The following KLF11 variants were observed in gnomAD, a reference collection of about 807,000 sequenced individuals.
KLF11 encodes the protein KLF transcription factor 11.
Under a neutral mutation model 29.9 loss-of-function variants are expected in KLF11, and 26 were observed. The observed-to-expected ratio is 0.87, with a 90% CI of 0.64 to 1.21. KLF11 has a LOEUF of 1.21. KLF11 is among the 50% of genes most tolerant of loss of function. The pLI, the probability that KLF11 is intolerant of heterozygous loss-of-function variation, is 0.00. For synonymous variants in KLF11, 318 were observed against 257.4 expected (o/e 1.24, Z -2.25); for missense variants, 778 against 665.7 (o/e 1.17, Z -1.86).
rs1273204338 is a variant in KLF11 at position 10,054,237 on chromosome 2, T to G, written c.*1730T>G. The G allele has an allele frequency of 6.6e-6, 1 of 152,220 alleles. No individual in the cohort carries two copies. Among genetic ancestry groups the G allele is most frequent in the Non-Finnish European group, 1.5e-5 (1 of 68,040 alleles). 9.4% of individuals were successfully genotyped at this position (152,220 alleles called of 1,614,324 possible). A position where few individuals can be genotyped will look rare whatever the true frequency, so the allele number is the denominator to read the frequency against. The stretch of plus-strand genomic sequence containing the variant: ...ACCACCCAGTCCTTTCTCCTGCTCA[T>G]CAAAATCAGCATACACATTTTTGAC... On this transcript the variant is annotated 3_prime_UTR_variant, in exon 4 of 4. Transcript: ENST00000305883.
Position 10,048,051 on chromosome 2 carries a change from T to C in KLF11, c.714T>C (p.Ser238=), listed in dbSNP as rs1187568064. The C allele has an allele frequency of 6.2e-7, 1 of 1,614,092 alleles. No individual in the cohort carries two copies. The highest frequency in any genetic ancestry group is 1.7e-5 in the Admixed American group (1 of 60,012). The change falls in exon 3 of 4, where the codon TCT becomes TCC. Residue 238 remains serine (S), a synonymous_variant. Coordinates refer to ENST00000305883, the MANE Select transcript of KLF11 (RefSeq NM_003597.5). The stretch of plus-strand genomic sequence containing the variant: ...CCTGTCAGCCCTGCTTGCACAAGTC[T>C]GGTGGCCTGCTGCTCACTGACAAAG... ...LVSCQPCLHK[S]GGLLLTDKGQ...
Position 10,052,610 on chromosome 2 carries a change from TGGC to T in KLF11, c.*107_*109del. 1 of 1,299,564 alleles carries T rather than the reference TGGC, an allele frequency of 7.7e-7. No individual in the cohort carries two copies. Among genetic ancestry groups the T allele is most frequent in the Non-Finnish European group, 1.1e-6 (1 of 922,622 alleles). 80.5% of individuals were successfully genotyped at this position (1,299,564 alleles called of 1,614,324 possible). On this transcript the variant is annotated 3_prime_UTR_variant, in exon 4 of 4. Coordinates refer to ENST00000305883, the MANE Select transcript of KLF11 (RefSeq NM_003597.5). ...CTGCCTCACCCAAAAAAAACGGTCT[TGGC>T]GGCCTAGGGGAAGATCGGGGAGCTG...
chr2:10,051,672 C>T (rs1005373172), intron 3 of KLF11, among the ~76,000 whole-genome samples: 5 of 152,026 alleles, frequency 3.3e-5, no homozygotes, highest in Non-Finnish European at 5.9e-5. Context: ...TGCCCGCCAC[C>T]ACACCCGGCT....
rs199941261 is a variant in KLF11, at chr2:10,047,715, A to G, written c.378A>G (p.Gln126=). ...EPSTRTPVSP[Q]VTDSKACTAT... ...CGACAAGGACACCTGTTTCTCCCCAAGTAACAGATTCCAAAGCATGTACAG... is the reference window on the plus strand; with the variant it reads ...CGACAAGGACACCTGTTTCTCCCCAGGTAACAGATTCCAAAGCATGTACAG... The change falls in exon 3 of 4, where the codon CAA becomes CAG. Residue 126 remains glutamine (Q), a synonymous_variant. Coordinates refer to ENST00000305883, the MANE Select transcript of KLF11 (RefSeq NM_003597.5). The G allele has an allele frequency of 8.7e-6, 14 of 1,613,652 alleles. No individual in the cohort carries two copies. The highest frequency in any genetic ancestry group is 2.7e-5 in the African/African-American group (2 of 75,026).
Position 10,048,532 on chromosome 2 carries a change from C to A in KLF11, c.1195C>A (p.Pro399Thr), listed in dbSNP as rs1325302868. The change falls in exon 3 of 4, where the codon CCA becomes ACA. Residue 399 changes from proline to threonine, a missense_variant. By Grantham distance (38) the Pro-to-Thr change is conservative. Transcript: ENST00000305883. ...SRRRNYVCSF[P>T]GCRKTYFKSS... The stretch of plus-strand genomic sequence containing the variant: ...AAGGAGGAACTATGTATGCAGCTTC[C>A]CAGGTTGCCGGAAGACCTACTTCAA... 1.2e-6 allele frequency: 2 copies of A among 1,611,982 alleles called. No individual in the cohort carries two copies. Among genetic ancestry groups the A allele is most frequent in the Admixed American group, 1.7e-5 (1 of 60,022 alleles).
rs766165757 is a variant in KLF11, at chr2:10,046,330, G to A, written c.223G>A (p.Val75Ile). 2 of 1,614,224 alleles carry A rather than the reference G, an allele frequency of 1.2e-6. No individual in the cohort carries two copies. The highest frequency in any genetic ancestry group is 1.7e-6 in the Non-Finnish European group (2 of 1,180,040). Residue 75 changes from valine to isoleucine, a missense_variant, in exon 2 of 4, where the codon GTC (valine) becomes ATC (isoleucine). Physicochemically the swap from Val to Ile is conservative, Grantham distance 29. Coordinates refer to ENST00000305883, the MANE Select transcript of KLF11 (RefSeq NM_003597.5). ...DLLRIRPLTP[V>I]SDSGDVTTTV... ...GTTGCGGATAAGACCCCTCACGCCT[G>A]TCTCTGACTCTGGGGATGTCACCAC...
rs1249758750 is a variant in KLF11, at chr2:10,048,124, A to G, written c.787A>G (p.Asn263Asp). The G allele has an allele frequency of 2.5e-6, 4 of 1,614,144 alleles. No homozygotes were observed. In the Admixed American group the frequency reaches 6.7e-5, roughly 27 times the overall value. ...TGCAGTTCAGACTTGCTCACCAAAG[A>G]ATTATGAAAATGACCTGCCCAGGAA... Reference protein sequence around the residue: ...PGAVQTCSPKNYENDLPRKTT... With the variant: ...PGAVQTCSPKDYENDLPRKTT... Residue 263 changes from asparagine (N) to aspartate (D), a missense_variant, in exon 3 of 4, where the codon AAT becomes GAT. By Grantham distance (23) the Asn-to-Asp change is conservative (BLOSUM62 1). Coordinates refer to ENST00000305883, the MANE Select transcript of KLF11 (RefSeq NM_003597.5).
At position 10,048,333 on chromosome 2, in the gene KLF11, TGCTGTGCCTCAGGGA is replaced by T; in HGVS notation, c.1003_1017del (p.Pro335_Val339del). The T allele has an allele frequency of 6.2e-7, 1 of 1,603,888 alleles. No individual in the cohort carries two copies. The highest frequency in any genetic ancestry group is 8.5e-7 in the Non-Finnish European group (1 of 1,173,378). On this transcript the variant is annotated inframe_deletion, in exon 3 of 4. Transcript: ENST00000305883. ...CGCCTCAACCTGTGTTCGTGGGACC[TGCTGTGCCTCAGGGA>T]GCTGTGATGTTGGTCCTGCCCCAGG...
At position 10,044,234 on chromosome 2, in the gene KLF11, G is replaced by GA. The variant is rs201103456; in HGVS notation, c.42+476_42+477insA. ...GTAGTGCCGCTCGGGCCTGGGGGCG[G>GA]GCAAGGTCTAGGGGCCGGGGCAACG... On this transcript the variant is annotated intron_variant, in intron 1 of 3. Coordinates refer to ENST00000305883, the MANE Select transcript of KLF11 (RefSeq NM_003597.5). 7,209 of 975,794 alleles carry GA rather than the reference G, an allele frequency of 7.4e-3. 374 individuals carry two copies. In the African/African-American group the frequency reaches 0.11, roughly 15 times the overall value. The allele number at this position is 975,794 out of a possible 1,614,324, so 60.4% of individuals were successfully genotyped here.
At chr2:10,044,835 C>T (rs1039531406) in intron 1 of KLF11, among the ~76,000 whole-genome samples, 4 of 152,038 alleles carry the variant, frequency 2.6e-5, no homozygotes, top group Non-Finnish European at 5.9e-5. Flanking sequence ...CCTCTTCCCT[C>T]CTCCCCTCCA....
chr2:10,043,939 C>T, intron 1 of KLF11, 181 bp downstream of exon 1: 5 of 1,000,790 alleles, frequency 5.0e-6, no homozygotes, highest in Non-Finnish European at 6.0e-6. Context: ...CCGCGACGGG[C>T]GCGCCCGGGT....
At chr2:10,052,116 C>T (rs1344135567) in intron 3 of KLF11, 111 bp from the exon 4 acceptor site, 2 of 1,125,222 alleles carry the variant, frequency 1.8e-6, no homozygotes, top group East Asian at 2.4e-5. Flanking sequence ...TAATAAGATA[C>T]CACTTTCTTC....
intron 3 of KLF11, among the ~76,000 whole-genome samples, chr2:10,048,897 G>A (rs1661318850): frequency 7.2e-6 from 1 of 138,712 alleles, no homozygotes; most frequent in South Asian, 2.4e-4. Context: ...CATTGCAGTA[G>A]ACGTTTCATC....
chr2:10,046,013 G>T, intron 1 of KLF11, 137 bp from the exon 2 acceptor site: 1 of 973,594 alleles, frequency 1.0e-6, no homozygotes, highest in Non-Finnish European at 1.6e-6. Flanking sequence ...ACTACACCTC[G>T]GTGTTTGTTG....
intron 1 of KLF11, 47 bp from the exon 2 acceptor site, chr2:10,046,103 C>T (rs757091205): frequency 6.2e-7 from 1 of 1,612,050 alleles, no homozygotes; most frequent in Non-Finnish European, 8.5e-7. Flanking sequence ...TGGGTGGCCT[C>T]TGTATTTCCC....
At chr2:10,047,115 G>T (rs1291124310) in intron 2 of KLF11, among the ~76,000 whole-genome samples, 1 of 152,122 alleles carries the variant, frequency 6.6e-6, no homozygotes, top group Non-Finnish European at 1.5e-5. Context: ...TCGTTGGGTG[G>T]CACCTCTGCC....
intron 3 of KLF11, among the ~76,000 whole-genome samples, chr2:10,049,468 T>C (rs928941361): frequency 3.9e-5 from 6 of 152,188 alleles, no homozygotes; most frequent in Non-Finnish European, 1.5e-5. Flanking sequence ...GTTCAGACAT[T>C]ATAAGAGGAA....
rs1661305516 is a variant in KLF11, at chr2:10,048,499, T to TC, written c.1162_1163insC (p.Phe388SerfsTer25). 6.2e-7 allele frequency: 1 copy of TC among 1,613,630 alleles called. No individual in the cohort carries two copies. Reference sequence around the variant, plus strand: ...CCAAAACTGTGTCCCTCAGGTAGACTTTTCCCGAAGGAGGAACTATGTATG... The same window carrying TC: ...CCAAAACTGTGTCCCTCAGGTAGACTCTTTCCCGAAGGAGGAACTATGTATG... On this transcript the variant is annotated frameshift_variant, in exon 3 of 4. Coordinates refer to ENST00000305883, the MANE Select transcript of KLF11 (RefSeq NM_003597.5). LOFTEE classifies it high-confidence loss of function.
At position 10,048,491 on chromosome 2, in the gene KLF11, A is replaced by G. The variant is rs1257337629; in HGVS notation, c.1154A>G (p.Gln385Arg). 1 of 1,613,964 alleles carries G rather than the reference A, an allele frequency of 6.2e-7. No individual in the cohort carries two copies. Among genetic ancestry groups the G allele is most frequent in the South Asian group, 1.1e-5 (1 of 91,088 alleles). ...FITSSQNCVPQVDFSRRRNYV... is the reference protein window; with the variant it reads ...FITSSQNCVPRVDFSRRRNYV... ...ACCTCTAGCCAAAACTGTGTCCCTC[A>G]GGTAGACTTTTCCCGAAGGAGGAAC... The change falls in exon 3 of 4, where the codon CAG (glutamine) becomes CGG (arginine). Residue 385 changes from glutamine (Q) to arginine (R), a missense_variant. Gln to Arg is a conservative substitution (Grantham distance 43). Transcript: ENST00000305883.
Sources: gnomAD v4.1 joint callset for allele counts (sites outside exome capture counted in the v4.1 genomes callset) on GRCh38, gnomAD v4.1.1 for gene constraint, MANE v1.5 for transcripts, NCBI Gene and HGNC (gene_info 2026-07-23, HGNC 2026-07-21) for gene names.